FNIP2: variants seen among roughly 807,000 people sequenced by gnomAD.
FNIP2 encodes the protein folliculin-interacting protein 2.
FNIP2 carries 32 observed loss-of-function variants against 108.7 expected under a neutral mutation model. That is an observed-to-expected ratio of 0.29 (90% CI 0.22 to 0.40). The LOEUF (loss-of-function observed/expected upper bound fraction) is 0.40. Among genes scored for constraint, FNIP2 ranks in the 10% least tolerant of loss-of-function variants. The pLI is 1.00. For missense variants in FNIP2, 1,202 were observed against 1,381.6 expected, an observed-to-expected ratio of 0.87 and a Z score of 2.06; for synonymous variants, 480 against 496.7, an observed-to-expected ratio of 0.97 and a Z score of 0.45.
At chr4:158,825,469 AAGAAG>A (rs1166912143) in intron 1 of FNIP2, among the ~76,000 whole-genome samples, 2 of 152,180 alleles carry the variant, frequency 1.3e-5, no homozygotes, top group Non-Finnish European at 2.9e-5. Flanking sequence ...GGGTGAGGGA[AAGAAG>A]AGAAGGCTCT....
At position 158,869,137 on chromosome 4, in the gene FNIP2, T is replaced by TGGA. The variant is rs764851869; in HGVS notation, c.2504_2506dup (p.Glu835dup). The TGGA allele has an allele frequency of 1.9e-6, 3 of 1,613,988 alleles. No homozygotes were observed. Among genetic ancestry groups the TGGA allele is most frequent in the Non-Finnish European group, 2.5e-6 (3 of 1,179,890 alleles). On this transcript the variant is annotated inframe_insertion, in exon 13 of 17. Coordinates refer to ENST00000264433, the MANE Select transcript of FNIP2 (RefSeq NM_020840.3). The stretch of plus-strand genomic sequence containing the variant: ...GCAGGAGGAACGGGAGGGAGGAGGC[T>TGGA]GGAGGCCACTAGAGGTTTGTATGTG...
At chr4:158,771,618 A>T (rs1243661048) in intron 1 of FNIP2, among the ~76,000 whole-genome samples, 1 of 152,234 alleles carries the variant, frequency 6.6e-6, no homozygotes, top group Non-Finnish European at 1.5e-5. Context: ...AGTATTCCTA[A>T]CATGAATTTG....
chr4:158,789,174 G>A (rs1011882141), intron 1 of FNIP2, among the ~76,000 whole-genome samples: 2 of 152,146 alleles, frequency 1.3e-5, no homozygotes, highest in East Asian at 1.9e-4. Context: ...TGATACTAGC[G>A]AATAAGTGCT....
intron 8 of FNIP2, among the ~76,000 whole-genome samples, chr4:158,854,789 C>T (rs541793761): frequency 6.6e-6 from 1 of 152,272 alleles, no homozygotes; most frequent in East Asian, 1.9e-4. Context: ...CAGGACCTGT[C>T]TTGTCGGAAT....
chr4:158,833,335 T>A (rs1183902058), intron 5 of FNIP2, among the ~76,000 whole-genome samples, 193 bp from the exon 6 acceptor site: 1 of 152,212 alleles, frequency 6.6e-6, no homozygotes, highest in Non-Finnish European at 1.5e-5. Flanking sequence ...ATAGCTTTTG[T>A]TTTCTTCCAA....
intron 1 of FNIP2, among the ~76,000 whole-genome samples, chr4:158,786,668 T>TAAA (rs59880875): frequency 6.6e-6 from 1 of 152,018 alleles, no homozygotes; most frequent in African/African-American, 2.4e-5. Context: ...TTTTTATTTT[T>TAAA]AAAAAAAACA....
At chr4:158,788,167 A>G (rs1776281910) in intron 1 of FNIP2, among the ~76,000 whole-genome samples, 1 of 152,152 alleles carries the variant, frequency 6.6e-6, no homozygotes, top group Non-Finnish European at 1.5e-5. Flanking sequence ...ATGAGATTTA[A>G]GTGGGTGGTT....
intron 7 of FNIP2, among the ~76,000 whole-genome samples, chr4:158,839,618 T>C (rs1319241506): frequency 1.3e-5 from 2 of 152,068 alleles, no homozygotes; most frequent in Admixed American, 6.6e-5. Flanking sequence ...TTTTCCCACC[T>C]CACACTCCCA....
At chr4:158,812,614 C>G (rs1372398813) in intron 1 of FNIP2, among the ~76,000 whole-genome samples, 1 of 151,956 alleles carries the variant, frequency 6.6e-6, no homozygotes, top group Non-Finnish European at 1.5e-5. Flanking sequence ...AATTTTAGAG[C>G]AGTTTTAGGT....
chr4:158,804,654 C>G (rs866846884), intron 1 of FNIP2, among the ~76,000 whole-genome samples: 2 of 152,120 alleles, frequency 1.3e-5, no homozygotes, highest in Non-Finnish European at 2.9e-5. Context: ...TCAAGTAGTC[C>G]TCTCGCCTTG....
At chr4:158,811,526 C>T (rs141960550) in intron 1 of FNIP2, among the ~76,000 whole-genome samples, 2 of 151,096 alleles carry the variant, frequency 1.3e-5, no homozygotes, top group African/African-American at 4.8e-5. Context: ...CATTTCATCT[C>T]TCTGTTTTTG....
intron 1 of FNIP2, among the ~76,000 whole-genome samples, chr4:158,783,141 C>T (rs973259732): frequency 1.1e-4 from 17 of 152,116 alleles, no homozygotes; most frequent in Admixed American, 7.2e-4. Context: ...TTGAGCTTGC[C>T]GTGACCTGCT....
chr4:158,904,655 C>G lies in FNIP2; in HGVS notation c.*111C>G, dbSNP rs1579022706. Reference sequence around the variant, plus strand: ...AAAGCATGAGAAGAGCAAACAGAAACAGTCATTCCACCTTTTTGTTTTGTG... The same window carrying G: ...AAAGCATGAGAAGAGCAAACAGAAAGAGTCATTCCACCTTTTTGTTTTGTG... On this transcript the variant is annotated 3_prime_UTR_variant, in exon 17 of 17. Transcript: ENST00000264433. The G allele has an allele frequency of 3.3e-6, 3 of 922,270 alleles. No homozygotes were observed. The East Asian group carries it at 7.3e-5, about 22-fold the overall frequency. 57.1% of individuals were successfully genotyped at this position (922,270 alleles called of 1,614,324 possible).
rs780491436 is a variant in FNIP2 at position 158,891,592 on chromosome 4, C to G, written c.3096C>G (p.Ser1032=). ...GQDVLVSSQV[S]SLLQSILQLY... Reference sequence around the variant, plus strand: ...ATGTCCTGGTCTCTAGTCAGGTGTCCAGTTTGCTTCAGTCCATTTTACAGC... The same window carrying G: ...ATGTCCTGGTCTCTAGTCAGGTGTCGAGTTTGCTTCAGTCCATTTTACAGC... Residue 1032 remains serine (S), a synonymous_variant, in exon 15 of 17, where the codon TCC becomes TCG. Transcript: ENST00000264433. 12 of 1,612,824 alleles carry G rather than the reference C, an allele frequency of 7.4e-6. No individual in the cohort carries two copies. The highest frequency in any genetic ancestry group is 1.0e-5 in the Non-Finnish European group (12 of 1,179,480).
chr4:158,831,422 C>T (rs1196400788), intron 3 of FNIP2, among the ~76,000 whole-genome samples: 1 of 152,202 alleles, frequency 6.6e-6, no homozygotes, highest in Non-Finnish European at 1.5e-5. Flanking sequence ...ACCCTATCTG[C>T]AGCAATGGGC....
At chr4:158,799,111 A>G (rs1560760902) in intron 1 of FNIP2, among the ~76,000 whole-genome samples, 1 of 152,220 alleles carries the variant, frequency 6.6e-6, no homozygotes, top group Non-Finnish European at 1.5e-5. Flanking sequence ...CTTCATGCCC[A>G]TGAGGTGGCT....
chr4:158,866,935 T>C (rs1269411870), intron 12 of FNIP2, among the ~76,000 whole-genome samples: 2 of 152,258 alleles, frequency 1.3e-5, no homozygotes, highest in Non-Finnish European at 2.9e-5. Flanking sequence ...ATAGGTTCTT[T>C]ATTATAATTG....
Position 158,806,344 on chromosome 4 carries a change from T to C in FNIP2, c.108-19572T>C, listed in dbSNP as rs986334015. ...TGCTGTTCCTGGTGCTGGGAGGATT[T>C]ACAGGGCGCTTTTATGCACAAAGAT... On this transcript the variant is annotated intron_variant, in intron 1 of 16. Transcript: ENST00000264433. 4 of 1,289,304 alleles carry C rather than the reference T, an allele frequency of 3.1e-6. No homozygotes were observed. The African/African-American group carries it at 4.6e-5, about 15-fold the overall frequency. 79.9% of individuals were successfully genotyped at this position (1,289,304 alleles called of 1,614,324 possible).
chr4:158,898,160 G>T (rs182663820), intron 16 of FNIP2, among the ~76,000 whole-genome samples: 7 of 151,930 alleles, frequency 4.6e-5, no homozygotes, highest in Non-Finnish European at 1.0e-4. Flanking sequence ...ATGTGTGGTG[G>T]TATTTCTGAG....
Sources: gnomAD v4.1 joint callset for allele counts (sites outside exome capture counted in the v4.1 genomes callset) on GRCh38, gnomAD v4.1.1 for gene constraint, MANE v1.5 for transcripts, NCBI Gene and HGNC (gene_info 2026-07-23, HGNC 2026-07-21) for gene names.